The following IQCM variants were observed in gnomAD, a reference collection of about 807,000 sequenced individuals.
IQCM encodes IQ motif containing M.
A neutral mutation model predicts 57.6 loss-of-function variants in IQCM; 45 were observed. That is an observed-to-expected ratio of 0.78 (90% CI 0.62 to 1.00). IQCM has a LOEUF of 1.00. Ranked by LOEUF, IQCM falls within the 50% of genes least tolerant of loss-of-function variation. The pLI is 0.00. For missense variants in IQCM, 468 were observed against 511.6 expected (o/e 0.91, Z 0.82); for synonymous variants, 148 against 158.9 (o/e 0.93, Z 0.51).
chr4:149,403,246 A>C (rs114359705), intron 13 of IQCM, among the ~76,000 whole-genome samples: 17 of 152,058 alleles, frequency 1.1e-4, no homozygotes, highest in African/African-American at 4.1e-4. Flanking sequence ...ATTTCTTTTT[A>C]CTTTTTTTCC....
At chr4:149,761,986 T>C (rs1769564682) in intron 2 of IQCM, among the ~76,000 whole-genome samples, 1 of 151,970 alleles carries the variant, frequency 6.6e-6, no homozygotes, top group Non-Finnish European at 1.5e-5. Context: ...TAGAAATTAA[T>C]GTAGGTGTTA....
At chr4:149,715,588 C>T (rs1764923526) in intron 5 of IQCM, among the ~76,000 whole-genome samples, 1 of 152,108 alleles carries the variant, frequency 6.6e-6, no homozygotes, top group African/African-American at 2.4e-5. Context: ...GAGCAAGGGG[C>T]GTGTTTCAGC....
At chr4:149,810,032 T>C (rs535430889) in intron 2 of IQCM, among the ~76,000 whole-genome samples, 5 of 151,604 alleles carry the variant, frequency 3.3e-5, no homozygotes, top group Admixed American at 3.3e-4. Context: ...ATATATCTTA[T>C]CTCCAACTCC....
In IQCM at chr4:149,639,611, T is replaced by C. The variant is rs1758014874; in HGVS notation, c.566-18367A>G. Among the ~76,000 whole-genome samples, 3 of 152,006 alleles carry C rather than the reference T, an allele frequency of 2.0e-5. No homozygotes were observed. In the South Asian group the frequency reaches 6.2e-4, roughly 32 times the overall value. On this transcript the variant is annotated intron_variant, in intron 7 of 13. Coordinates refer to ENST00000636793, the MANE Select transcript of IQCM (RefSeq NM_001363507.2). ...AAGCTCCTACCAAGTATTTTAAAGATACTTTCTTAATTTAAAGTTCATCTT... is the reference window on the plus strand; with the variant it reads ...AAGCTCCTACCAAGTATTTTAAAGACACTTTCTTAATTTAAAGTTCATCTT...
At chr4:149,352,956 T>G (rs11943686) in intron 13 of IQCM, among the ~76,000 whole-genome samples, 1 of 151,896 alleles carries the variant, frequency 6.6e-6, no homozygotes, top group African/African-American at 2.4e-5. Flanking sequence ...GCTGCCAAAA[T>G]CCAGTTAAAA....
intron 13 of IQCM, among the ~76,000 whole-genome samples, chr4:149,383,083 AG>A (rs1731190938): frequency 6.6e-6 from 1 of 152,146 alleles, no homozygotes. Context: ...CAGGATCAAA[AG>A]TATATGAAGT....
intron 9 of IQCM, among the ~76,000 whole-genome samples, chr4:149,582,278 G>A (rs1252073869): frequency 1.0e-5 from 1 of 98,588 alleles, no homozygotes; most frequent in East Asian, 3.1e-4. Context: ...ATTTAGATGG[G>A]TCAGTCAATC....
chr4:149,799,461 TTAG>T (rs1277388572), intron 2 of IQCM, among the ~76,000 whole-genome samples: 3 of 150,920 alleles, frequency 2.0e-5, no homozygotes, highest in Non-Finnish European at 4.4e-5. Context: ...AAACCCAAAA[TTAG>T]TAGAAGAAAA....
In IQCM at chr4:149,633,458, CAGAT is replaced by C. The variant is rs1278847913; in HGVS notation, c.566-12218_566-12215del. Among the ~76,000 whole-genome samples, 10 of 152,182 alleles carry C rather than the reference CAGAT, an allele frequency of 6.6e-5. No homozygotes were observed. The East Asian group carries it at 1.9e-3, about 29-fold the overall frequency. ...TGCTTTAGGTGTTATCTATAAAGCTCAGATAGCCACATGGATTCTGTTTCCATTA... is the reference window on the plus strand; with the variant it reads ...TGCTTTAGGTGTTATCTATAAAGCTCAGCCACATGGATTCTGTTTCCATTA... On this transcript the variant is annotated intron_variant, in intron 7 of 13. Transcript: ENST00000636793.
chr4:149,450,953 G>A (rs1163669278), intron 12 of IQCM, among the ~76,000 whole-genome samples: 3 of 151,708 alleles, frequency 2.0e-5, no homozygotes, highest in Admixed American at 1.3e-4. Context: ...GCCAAAATTT[G>A]GCTAAGTGTC....
At chr4:149,804,747 T>A (rs544354674) in intron 2 of IQCM, among the ~76,000 whole-genome samples, 1 of 152,218 alleles carries the variant, frequency 6.6e-6, no homozygotes, top group African/African-American at 2.4e-5. Flanking sequence ...TCTATCGTGG[T>A]CTTTTCTAGT....
At chr4:149,758,315 T>C (rs1456838696) in intron 2 of IQCM, among the ~76,000 whole-genome samples, 1 of 152,038 alleles carries the variant, frequency 6.6e-6, no homozygotes, top group African/African-American at 2.4e-5. Flanking sequence ...CTTACACTCT[T>C]CTCAAAAACT....
intron 12 of IQCM, among the ~76,000 whole-genome samples, chr4:149,496,745 C>T (rs986356478): frequency 6.6e-6 from 1 of 152,128 alleles, no homozygotes; most frequent in African/African-American, 2.4e-5. Context: ...TAGTAACTTG[C>T]TATAGCATCA....
At chr4:149,717,296 A>C (rs542524520) in intron 5 of IQCM, among the ~76,000 whole-genome samples, 13 of 152,136 alleles carry the variant, frequency 8.5e-5, no homozygotes, top group Non-Finnish European at 1.9e-4. Flanking sequence ...CTCCAGGTAC[A>C]TAGTGTCAGA....
chr4:149,658,548 T>A (rs1196462031), intron 7 of IQCM, among the ~76,000 whole-genome samples: 2 of 151,664 alleles, frequency 1.3e-5, no homozygotes, highest in Non-Finnish European at 3.0e-5. Context: ...AATATTGATA[T>A]TTTCATAGGG....
At chr4:149,742,045 G>A (rs1276043706) in intron 3 of IQCM, among the ~76,000 whole-genome samples, 1 of 151,688 alleles carries the variant, frequency 6.6e-6, no homozygotes, top group African/African-American at 2.4e-5. Flanking sequence ...TAAAAAAGGT[G>A]AAATTAATTT....
intron 2 of IQCM, among the ~76,000 whole-genome samples, chr4:149,744,400 C>T (rs1397465717): frequency 6.6e-6 from 1 of 152,084 alleles, no homozygotes; most frequent in African/African-American, 2.4e-5. Flanking sequence ...GTTTTGTGCT[C>T]CATCATTTTC....
chr4:149,452,737 C>T (rs1193956450), intron 12 of IQCM, among the ~76,000 whole-genome samples: 3 of 151,492 alleles, frequency 2.0e-5, no homozygotes, highest in East Asian at 3.9e-4. Context: ...TCTTTATTAT[C>T]GTTATTGGTT....
chr4:149,496,457 G>A (rs3920111), intron 12 of IQCM, among the ~76,000 whole-genome samples: 90,765 of 152,000 alleles, frequency 0.6, 27,716 homozygotes, highest in African/African-American at 0.71. Context: ...AATCTCAAGG[G>A]TCTTTATAAG....
Sources: allele counts gnomAD v4.1 joint callset (sites outside exome capture counted in the v4.1 genomes callset), GRCh38; gene constraint gnomAD v4.1.1; transcripts MANE v1.5; gene names NCBI Gene and HGNC (gene_info 2026-07-23, HGNC 2026-07-21).